Variants in KLF15 observed in about 807,000 individuals in gnomAD.
KLF15 encodes the protein Krueppel-like factor 15.
A neutral mutation model predicts 24.6 loss-of-function variants in KLF15; 4 were observed. That is an observed-to-expected ratio of 0.16 (90% confidence interval 0.08 to 0.37). The LOEUF (loss-of-function observed/expected upper bound fraction) is 0.37. Ranked by LOEUF, KLF15 falls within the 10% of genes least tolerant of loss-of-function variation. The probability of loss-of-function intolerance (pLI) is 1.00; values close to 1 mark genes in which losing one functional copy is unlikely to be tolerated. For missense variants in KLF15, 496 were observed against 560.6 expected, an observed-to-expected ratio of 0.88 and a Z score of 1.16; for synonymous variants, 246 against 236.3, an observed-to-expected ratio of 1.04 and a Z score of -0.37.
chr3:126,342,060 C>T (rs1329861527), downstream of KLF15, among the ~76,000 whole-genome samples: 4 of 152,170 alleles, frequency 2.6e-5, 1 homozygote, highest in African/African-American at 4.8e-5. Context: ...AACCACACAG[C>T]GAAGACCCCA....
the KLF15 span, among the ~76,000 whole-genome samples, chr3:126,308,271 C>T: frequency 2.6e-5 from 4 of 152,210 alleles, no homozygotes; most frequent in Non-Finnish European, 1.5e-5. Flanking sequence ...GCCTTGACCA[C>T]CCCCAAGGAG....
the KLF15 span, among the ~76,000 whole-genome samples, chr3:126,303,864 C>T: frequency 2.0e-5 from 3 of 151,654 alleles, no homozygotes; most frequent in Non-Finnish European, 4.4e-5. Flanking sequence ...TTTGCTGTAT[C>T]TTCAATTTCA....
At chr3:126,296,095 T>C in the KLF15 span, among the ~76,000 whole-genome samples, 1 of 152,244 alleles carries the variant, frequency 6.6e-6, no homozygotes, top group African/African-American at 2.4e-5. Flanking sequence ...AAGGTATTAT[T>C]TAAATATTGC....
At position 126,343,825 on chromosome 3, in the gene KLF15, C is replaced by A; in HGVS notation, c.1153G>T (p.Val385Leu). The A allele has an allele frequency of 1.9e-6, 3 of 1,611,720 alleles. No individual in the cohort carries two copies. The highest frequency in any genetic ancestry group is 2.5e-6 in the Non-Finnish European group (3 of 1,179,880). The change falls in exon 3 of 3, where the codon GTG (valine) becomes TTG (leucine). Residue 385 changes from valine (V) to leucine (L), a missense_variant. Physicochemically the swap from Val to Leu is conservative, Grantham distance 32 (BLOSUM62 1). Coordinates refer to ENST00000296233, the MANE Select transcript of KLF15 (RefSeq NM_014079.4). Reference protein sequence around the residue: ...HSGVKPYQCPVCEKKFARSDH... With the variant: ...HSGVKPYQCPLCEKKFARSDH... The stretch of plus-strand genomic sequence containing the variant: ...CTCCGCGCGAACTTCTTCTCGCACA[C>A]AGGACACTGGTACGGCTTCACACCT...
At chr3:126,330,799 T>A in the KLF15 span, among the ~76,000 whole-genome samples, 2 of 152,246 alleles carry the variant, frequency 1.3e-5, no homozygotes, top group Non-Finnish European at 2.9e-5. Context: ...GTGCATGATG[T>A]GACGATGTTA....
the KLF15 span, among the ~76,000 whole-genome samples, chr3:126,300,426 C>T: frequency 1.3e-5 from 2 of 152,226 alleles, no homozygotes; most frequent in Non-Finnish European, 2.9e-5. Flanking sequence ...TGGGGACTAC[C>T]GGGTGCCCCC....
the KLF15 span, among the ~76,000 whole-genome samples, chr3:126,308,643 G>A: frequency 6.6e-6 from 1 of 152,336 alleles, no homozygotes; most frequent in East Asian, 1.9e-4. Context: ...CCTCACAGGG[G>A]CATTTTCGGT....
At chr3:126,298,291 G>A in the KLF15 span, among the ~76,000 whole-genome samples, 1 of 149,010 alleles carries the variant, frequency 6.7e-6, no homozygotes, top group African/African-American at 2.5e-5. Flanking sequence ...ACTTCTTGAT[G>A]GGATTATTAG....
Position 126,352,038 on chromosome 3 carries a change from G to A in KLF15, c.885C>T (p.Pro295=), listed in dbSNP as rs1321947657. Residue 295 remains proline (P), a synonymous_variant, in exon 2 of 3, where the codon CCC becomes CCT. Coordinates refer to ENST00000296233, the MANE Select transcript of KLF15 (RefSeq NM_014079.4). ...GGAGACCGGCAGGGCCAGGCCCCAG[G>A]GGTCCCGATCCAACAGGCTTGGCGG... The part of the protein sequence containing the change: ...PIAAKPVGSG[P]LGPGPAGLLM... 1 of 1,532,296 alleles carries A rather than the reference G, an allele frequency of 6.5e-7. No homozygotes were observed. Among genetic ancestry groups the A allele is most frequent in the Admixed American group, 2.0e-5 (1 of 48,892 alleles). 94.9% of individuals were successfully genotyped at this position (1,532,296 alleles called of 1,614,324 possible).
At chr3:126,355,689 G>A (rs1163625636) in intron 1 of KLF15, among the ~76,000 whole-genome samples, 2 of 152,230 alleles carry the variant, frequency 1.3e-5, no homozygotes, top group African/African-American at 4.8e-5. Flanking sequence ...ATATCCCAGA[G>A]TCTAAAACAG....
At chr3:126,306,673 T>C in the KLF15 span, among the ~76,000 whole-genome samples, 2 of 152,226 alleles carry the variant, frequency 1.3e-5, no homozygotes, top group Non-Finnish European at 2.9e-5. Context: ...CACATGTTCA[T>C]GTGTGTATGG....
the KLF15 span, among the ~76,000 whole-genome samples, chr3:126,299,312 T>C: frequency 6.6e-6 from 1 of 152,238 alleles, no homozygotes; most frequent in Admixed American, 6.5e-5. Context: ...TGGCTGTTGT[T>C]GGCGTATAGC....
At chr3:126,309,045 G>A in the KLF15 span, among the ~76,000 whole-genome samples, 2 of 152,236 alleles carry the variant, frequency 1.3e-5, no homozygotes, top group South Asian at 4.1e-4. Flanking sequence ...GATGTGTGGA[G>A]AGCAGGCATC....
rs554511855 is a variant in KLF15, at chr3:126,357,056, C to T, written c.-26+181G>A. Among the ~76,000 whole-genome samples the T allele has an allele frequency of 7.0e-3, 1,063 of 151,686 alleles. 17 individuals are homozygous for T. Among genetic ancestry groups the T allele is most frequent in the African/African-American group, 0.024 (1,012 of 41,390 alleles). ...GCGGGGGGGGTCACCTCCCCCGGGCCAGTCCGACCCCTGCCCACCTCCGCG... is the reference window on the plus strand; with the variant it reads ...GCGGGGGGGGTCACCTCCCCCGGGCTAGTCCGACCCCTGCCCACCTCCGCG... On this transcript the variant is annotated intron_variant, in intron 1 of 2. Transcript: ENST00000296233.
the KLF15 span, among the ~76,000 whole-genome samples, chr3:126,332,233 C>T: frequency 6.7e-6 from 1 of 149,588 alleles, no homozygotes; most frequent in African/African-American, 2.4e-5. Context: ...TGAGAACCAG[C>T]AGACTGCCTT....
chr3:126,298,081 TC>T, the KLF15 span, among the ~76,000 whole-genome samples: 19 of 152,188 alleles, frequency 1.2e-4, no homozygotes, highest in Non-Finnish European at 8.8e-5. Flanking sequence ...GTAGAAATGC[TC>T]CCTTTTCACC....
chr3:126,304,167 T>C, the KLF15 span, among the ~76,000 whole-genome samples: 1 of 151,900 alleles, frequency 6.6e-6, no homozygotes, highest in Non-Finnish European at 1.5e-5. Context: ...TTGTGCTGGC[T>C]TTGTATTTCT....
At chr3:126,337,571 T>C in the KLF15 span, among the ~76,000 whole-genome samples, 104,127 of 150,230 alleles carry the variant, frequency 0.69, 36,518 homozygotes, top group African/African-American at 0.81. Flanking sequence ...AAACTTAAAG[T>C]ATAATTAAAA....
In KLF15 at chr3:126,343,500, A is replaced by G. The variant is rs2082499719; in HGVS notation, c.*227T>C. ...CACGAAGGCACGAAGGCCTGCCTCC[A>G]GCCCCGTGCGCCTGGGGCCCAGCCC... On this transcript the variant is annotated 3_prime_UTR_variant, in exon 3 of 3. Coordinates refer to ENST00000296233, the MANE Select transcript of KLF15 (RefSeq NM_014079.4). 2.0e-6 allele frequency: 1 copy of G among 497,864 alleles called. No homozygotes were observed. The highest frequency in any genetic ancestry group is 3.5e-6 in the Non-Finnish European group (1 of 287,478). The allele number at this position is 497,864 out of a possible 1,614,324, so 30.8% of individuals were successfully genotyped here. A position where few individuals can be genotyped will look rare whatever the true frequency, so the allele number is the denominator to read the frequency against.
Sources: gnomAD v4.1 joint callset for allele counts (sites outside exome capture counted in the v4.1 genomes callset) on GRCh38, gnomAD v4.1.1 for gene constraint, MANE v1.5 for transcripts, NCBI Gene and HGNC (gene_info 2026-07-23, HGNC 2026-07-21) for gene names.